Variants in RPRD2 observed in about 807,000 individuals in gnomAD.
RPRD2 encodes the protein regulation of nuclear pre-mRNA domain-containing protein 2.
In RPRD2, 12 loss-of-function variants were observed where a neutral mutation model predicts 104.4. The observed-to-expected ratio is 0.11, with a 90% CI of 0.07 to 0.19. The LOEUF (loss-of-function observed/expected upper bound fraction) is 0.19. Ranked by LOEUF, RPRD2 falls within the 10% of genes least tolerant of loss-of-function variation. The pLI is 1.00. For missense variants in RPRD2, 1,543 were observed against 1,790.1 expected (o/e 0.86, Z 2.49); for synonymous variants, 714 against 684.9 (o/e 1.04, Z -0.66).
At chr1:150,436,648 A>G (rs932085873) in intron 2 of RPRD2, among the ~76,000 whole-genome samples, 31 of 151,550 alleles carry the variant, frequency 2.0e-4, no homozygotes, top group African/African-American at 6.6e-4. Flanking sequence ...CACACCTGTA[A>G]TCCCAGCACT....
At position 150,441,041 on chromosome 1, in the gene RPRD2, T is replaced by C; in HGVS notation, c.436+18T>C. On this transcript the variant is annotated intron_variant, in intron 3 of 10. Coordinates refer to ENST00000369068, the MANE Select transcript of RPRD2 (RefSeq NM_015203.5). ...AGCTTTGAGTAAGTGTCTTTTTCTC[T>C]CCTAAAAGAAAATTTTTGAGTCAGT... 1.5e-6 allele frequency: 2 copies of C among 1,335,710 alleles called. No homozygotes were observed. Among genetic ancestry groups the C allele is most frequent in the Non-Finnish European group, 2.1e-6 (2 of 964,562 alleles). 82.7% of individuals were successfully genotyped at this position (1,335,710 alleles called of 1,614,324 possible). A position where few individuals can be genotyped will look rare whatever the true frequency, so the allele number is the denominator to read the frequency against.
intron 7 of RPRD2, among the ~76,000 whole-genome samples, chr1:150,454,062 A>G (rs111683939): frequency 4.5e-4 from 69 of 152,150 alleles, no homozygotes; most frequent in Middle Eastern, 3.4e-3. Flanking sequence ...CCTCATCACT[A>G]TGAGACCACT....
chr1:150,369,508 G>A (rs1660120197), intron 1 of RPRD2, among the ~76,000 whole-genome samples: 1 of 135,378 alleles, frequency 7.4e-6, no homozygotes, highest in Admixed American at 8.0e-5. Flanking sequence ...CCAGGCTGGA[G>A]TGCAGTGGCG....
intron 2 of RPRD2, among the ~76,000 whole-genome samples, chr1:150,420,844 A>G (rs1275875745): frequency 2.0e-5 from 3 of 152,184 alleles, no homozygotes; most frequent in Non-Finnish European, 4.4e-5. Flanking sequence ...GAAAAAAGGA[A>G]TGAATTAATA....
rs587648757 is a variant in RPRD2, at chr1:150,450,522, C to T, written c.870+4121C>T. ...TCCGCAGGCTGAGGCAGGAGAATGACGTGAACCCAGGAGGCGGAGCTTGCA... is the reference window on the plus strand; with the variant it reads ...TCCGCAGGCTGAGGCAGGAGAATGATGTGAACCCAGGAGGCGGAGCTTGCA... On this transcript the variant is annotated intron_variant, in intron 7 of 10. Coordinates refer to ENST00000369068, the MANE Select transcript of RPRD2 (RefSeq NM_015203.5). Among the ~76,000 whole-genome samples, 1,091 of 142,620 alleles carry T rather than the reference C, an allele frequency of 7.6e-3. 5 individuals are homozygous for T. Among genetic ancestry groups the T allele is most frequent in the Non-Finnish European group, 0.012 (816 of 66,508 alleles). The allele number at this position is 142,620 out of a possible 152,430, so 93.6% of individuals were successfully genotyped here.
chr1:150,386,629 G>T (rs947856828), intron 1 of RPRD2, among the ~76,000 whole-genome samples: 1 of 152,080 alleles, frequency 6.6e-6, no homozygotes, highest in African/African-American at 2.4e-5. Flanking sequence ...AACATCACTA[G>T]TGGCACTTTG....
At position 150,407,084 on chromosome 1, in the gene RPRD2, T is replaced by C. The variant is rs782394103; in HGVS notation, c.206-10512T>C. On this transcript the variant is annotated intron_variant, in intron 1 of 10. Coordinates refer to ENST00000369068, the MANE Select transcript of RPRD2 (RefSeq NM_015203.5). Reference sequence around the variant, plus strand: ...TACATCTCTTGATGTCTCTAATTTCTGTATTAGTATATTCTTTGTACTTCA... The same window carrying C: ...TACATCTCTTGATGTCTCTAATTTCCGTATTAGTATATTCTTTGTACTTCA... 5.3e-5 allele frequency among the ~76,000 whole-genome samples: 8 copies of C among 152,340 alleles called. 1 individual carries two copies. Among genetic ancestry groups the C allele is most frequent in the African/African-American group, 1.9e-4 (8 of 41,588 alleles).
intron 2 of RPRD2, among the ~76,000 whole-genome samples, chr1:150,433,959 T>C (rs1332580671): frequency 1.3e-5 from 2 of 151,910 alleles, no homozygotes; most frequent in African/African-American, 4.8e-5. Flanking sequence ...ATAATTTGTT[T>C]TTTAACCAAG....
rs781304275 is a variant in RPRD2 at position 150,471,959 on chromosome 1, C to T, written c.3011C>T (p.Thr1004Met). Reference protein sequence around the residue: ...EKVLASTISTTSTIEFKNMLK... With the variant: ...EKVLASTISTMSTIEFKNMLK... The stretch of plus-strand genomic sequence containing the variant: ...GTCCTGGCCTCCACCATTTCCACCA[C>T]GTCGACGATTGAATTTAAGAATATG... The change falls in exon 11 of 11, where the codon ACG (threonine) becomes ATG (methionine). Residue 1004 changes from threonine to methionine, a missense_variant. This residue lies in a region of RPRD2 where 880 missense variants were observed against 885.6 expected (regional missense o/e 0.99). Coordinates refer to ENST00000369068, the MANE Select transcript of RPRD2 (RefSeq NM_015203.5). The surrounding 1 kb of genome is among the most constrained non-coding windows in gnomAD (Gnocchi z 5.3). 4 of 1,613,864 alleles carry T rather than the reference C, an allele frequency of 2.5e-6. No individual in the cohort carries two copies. The highest frequency in any genetic ancestry group is 1.3e-5 in the African/African-American group (1 of 74,924).
intron 7 of RPRD2, among the ~76,000 whole-genome samples, chr1:150,449,263 A>T (rs1572499444): frequency 6.6e-6 from 1 of 152,168 alleles, no homozygotes; most frequent in African/African-American, 2.4e-5. Flanking sequence ...GTTGCATCCC[A>T]TGAGTTTTTA....
chr1:150,407,824 A>T (rs1205776738), intron 1 of RPRD2, among the ~76,000 whole-genome samples: 1 of 152,214 alleles, frequency 6.6e-6, no homozygotes, highest in African/African-American at 2.4e-5. Context: ...GAGTGTCCTT[A>T]CAGTTAAATA....
chr1:150,399,259 C>T (rs1309755668), intron 1 of RPRD2, among the ~76,000 whole-genome samples: 2 of 152,272 alleles, frequency 1.3e-5, no homozygotes, highest in East Asian at 1.9e-4. Flanking sequence ...CCACCTTGGC[C>T]TCCCAAAGTG....
At chr1:150,365,539 C>T (rs1015923706) in intron 1 of RPRD2, among the ~76,000 whole-genome samples, 1 of 152,264 alleles carries the variant, frequency 6.6e-6, no homozygotes, top group Non-Finnish European at 1.5e-5. Context: ...GAAACAACTG[C>T]GATACAGTAG....
At chr1:150,372,888 T>C (rs1343393196) in intron 1 of RPRD2, among the ~76,000 whole-genome samples, 1 of 152,040 alleles carries the variant, frequency 6.6e-6, no homozygotes, top group Non-Finnish European at 1.5e-5. Flanking sequence ...TTCAAAGAGA[T>C]TATGGTGGGT....
intron 5 of RPRD2, among the ~76,000 whole-genome samples, chr1:150,443,966 C>T (rs587714390): frequency 6.6e-6 from 1 of 152,086 alleles, no homozygotes; most frequent in South Asian, 2.1e-4. Context: ...TGCAGTGAGC[C>T]GAGATCGTGC....
intron 4 of RPRD2, among the ~76,000 whole-genome samples, chr1:150,442,470 C>T (rs868913994): frequency 2.6e-5 from 4 of 151,978 alleles, no homozygotes; most frequent in Non-Finnish European, 2.9e-5. Flanking sequence ...TCGTATTTAC[C>T]CAGCATGAGA....
intron 5 of RPRD2, 65 bp from the exon 6 acceptor site, chr1:150,444,186 G>A (rs1302102241): frequency 2.0e-5 from 30 of 1,473,938 alleles, no homozygotes; most frequent in Non-Finnish European, 2.8e-5. Flanking sequence ...TACAAAATGA[G>A]GAGAGAGAGA....
At chr1:150,387,625 C>T (rs1553882164) in intron 1 of RPRD2, among the ~76,000 whole-genome samples, 1 of 92,288 alleles carries the variant, frequency 1.1e-5, no homozygotes, top group Admixed American at 1.7e-4. Context: ...GAGTTTCACT[C>T]TTGTCACCCA....
At chr1:150,428,489 A>T (rs1665321993) in intron 2 of RPRD2, among the ~76,000 whole-genome samples, 1 of 147,820 alleles carries the variant, frequency 6.8e-6, no homozygotes, top group Non-Finnish European at 1.5e-5. Context: ...ATCTATCCTC[A>T]TTCACTGTTT....
Sources: allele counts gnomAD v4.1 joint callset (sites outside exome capture counted in the v4.1 genomes callset), GRCh38; gene constraint gnomAD v4.1.1; regional missense constraint gnomAD v4.1.1; non-coding constraint Gnocchi (gnomAD v3.1); transcripts MANE v1.5; gene names NCBI Gene and HGNC (gene_info 2026-07-23, HGNC 2026-07-21).